SLC9A9: variants seen among roughly 807,000 people sequenced by gnomAD.
SLC9A9 encodes the protein solute carrier family 9 member A9, also known as sodium/hydrogen exchanger 9.
In SLC9A9, 62 loss-of-function variants were observed where a neutral mutation model predicts 77.8. The observed-to-expected ratio is 0.80, with a 90% CI of 0.65 to 0.98. SLC9A9 has a LOEUF of 0.98. SLC9A9 is among the 50% of genes least tolerant of loss of function. SLC9A9 has a pLI of 0.00. For missense variants in SLC9A9, 775 were observed against 774.9 expected (o/e 1.00, Z 0.00); for synonymous variants, 320 against 283.5 (o/e 1.13, Z -1.29).
chr3:143,354,820 C>A (rs573570920), intron 14 of SLC9A9, among the ~76,000 whole-genome samples: 1 of 152,284 alleles, frequency 6.6e-6, no homozygotes, highest in African/African-American at 2.4e-5. Flanking sequence ...TAGAAATCTT[C>A]AGTATAACAT....
chr3:143,517,637 T>C (rs2108610707), intron 9 of SLC9A9: 1 of 1,597,386 alleles, frequency 6.3e-7, no homozygotes, highest in Non-Finnish European at 8.5e-7. Flanking sequence ...TGCTTCTTCC[T>C]ACTGGCCTAG....
At chr3:143,395,015 C>T (rs1218749544) in intron 12 of SLC9A9, among the ~76,000 whole-genome samples, 2 of 152,134 alleles carry the variant, frequency 1.3e-5, no homozygotes, top group Non-Finnish European at 2.9e-5. Flanking sequence ...TGAAAATGGC[C>T]ATACTGCCCA....
chr3:143,714,951 T>C (rs189609164), intron 4 of SLC9A9, among the ~76,000 whole-genome samples: 87 of 152,302 alleles, frequency 5.7e-4, no homozygotes, highest in Non-Finnish European at 9.3e-4. Context: ...GTTCTCATGA[T>C]AGTGAATAAG....
In SLC9A9 at chr3:143,661,282, C is replaced by T. The variant is rs78148381; in HGVS notation, c.650-8922G>A. Reference sequence around the variant, plus strand: ...CTAAAATTTCTACAATAAATGTGCACTATTTTTAGAATTAGAAAAGACAGC... The same window carrying T: ...CTAAAATTTCTACAATAAATGTGCATTATTTTTAGAATTAGAAAAGACAGC... On this transcript the variant is annotated intron_variant, in intron 5 of 15. Coordinates refer to ENST00000316549, the MANE Select transcript of SLC9A9 (RefSeq NM_173653.4). Among the ~76,000 whole-genome samples, 29 of 152,264 alleles carry T rather than the reference C, an allele frequency of 1.9e-4. No homozygotes were observed. In the East Asian group the frequency reaches 5.6e-3, roughly 29 times the overall value.
chr3:143,773,352 T>C (rs940405792), intron 4 of SLC9A9, among the ~76,000 whole-genome samples: 2 of 152,178 alleles, frequency 1.3e-5, no homozygotes, highest in Non-Finnish European at 2.9e-5. Context: ...ACAATACATG[T>C]ACACAACCTC....
intron 4 of SLC9A9, among the ~76,000 whole-genome samples, chr3:143,730,912 T>C (rs992189889): frequency 5.9e-5 from 9 of 152,162 alleles, no homozygotes; most frequent in Admixed American, 3.9e-4. Context: ...TAGGCTACAA[T>C]TGACAAAAAA....
chr3:143,468,259 G>C (rs2035319034), intron 11 of SLC9A9, among the ~76,000 whole-genome samples: 1 of 152,224 alleles, frequency 6.6e-6, no homozygotes, highest in Admixed American at 6.5e-5. Context: ...GTTTTCCAGA[G>C]TGGCTGTAAC....
chr3:143,312,865 G>A (rs1013884632), intron 14 of SLC9A9, among the ~76,000 whole-genome samples: 1 of 152,124 alleles, frequency 6.6e-6, no homozygotes, highest in Non-Finnish European at 1.5e-5. Context: ...CTCGCTTTAC[G>A]TCGCCAATGT....
chr3:143,296,321 C>A (rs2030267758), intron 14 of SLC9A9, among the ~76,000 whole-genome samples: 1 of 152,166 alleles, frequency 6.6e-6, no homozygotes, highest in Non-Finnish European at 1.5e-5. Context: ...CAGTATTTGT[C>A]CTTTTGTGAC....
At chr3:143,838,265 G>A (rs533001434) in intron 1 of SLC9A9, among the ~76,000 whole-genome samples, 1 of 152,322 alleles carries the variant, frequency 6.6e-6, no homozygotes, top group East Asian at 1.9e-4. Context: ...ACCAAGTAGA[G>A]AAGAGGACAT....
intron 14 of SLC9A9, among the ~76,000 whole-genome samples, chr3:143,356,022 A>G (rs115851154): frequency 0.013 from 1,957 of 152,318 alleles, 45 homozygotes; most frequent in African/African-American, 0.045. Flanking sequence ...AACAAAGCAG[A>G]GATACCAAAG....
At chr3:143,383,045 A>G (rs1279790443) in intron 12 of SLC9A9, among the ~76,000 whole-genome samples, 1 of 152,232 alleles carries the variant, frequency 6.6e-6, no homozygotes, top group South Asian at 2.1e-4. Context: ...CAATTCCCAT[A>G]AGCAATGCAC....
intron 12 of SLC9A9, among the ~76,000 whole-genome samples, chr3:143,420,502 C>T (rs531354879): frequency 6.6e-6 from 1 of 152,302 alleles, no homozygotes; most frequent in South Asian, 2.1e-4. Context: ...GACTTATACA[C>T]AATTGCTATC....
chr3:143,502,909 C>T (rs1193431388), intron 9 of SLC9A9, among the ~76,000 whole-genome samples: 1 of 152,134 alleles, frequency 6.6e-6, no homozygotes, highest in Non-Finnish European at 1.5e-5. Flanking sequence ...TCTCAGATTT[C>T]ATTTTTATAT....
intron 2 of SLC9A9, among the ~76,000 whole-genome samples, chr3:143,825,775 T>A (rs1165866004): frequency 6.6e-6 from 1 of 152,222 alleles, no homozygotes; most frequent in Non-Finnish European, 1.5e-5. Context: ...AGTCAACTTA[T>A]CTATGAGTGA....
At chr3:143,700,346 C>T (rs1290868530) in intron 4 of SLC9A9, among the ~76,000 whole-genome samples, 1 of 152,126 alleles carries the variant, frequency 6.6e-6, no homozygotes, top group Non-Finnish European at 1.5e-5. Flanking sequence ...CCTCAGGTAT[C>T]TGCTCAGCAA....
chr3:143,645,296 G>A (rs2038686272), intron 6 of SLC9A9, among the ~76,000 whole-genome samples: 1 of 152,106 alleles, frequency 6.6e-6, no homozygotes, highest in African/African-American at 2.4e-5. Context: ...AGAAAAAATG[G>A]AATTATTTTA....
At chr3:143,714,890 A>G (rs1371785580) in intron 4 of SLC9A9, among the ~76,000 whole-genome samples, 1 of 152,170 alleles carries the variant, frequency 6.6e-6, no homozygotes, top group East Asian at 1.9e-4. Context: ...GTGTTGTGGG[A>G]GGGACCCGGT....
intron 4 of SLC9A9, among the ~76,000 whole-genome samples, chr3:143,774,586 G>A (rs1390789321): frequency 6.6e-6 from 1 of 152,174 alleles, no homozygotes; most frequent in African/African-American, 2.4e-5. Flanking sequence ...AGAGTGCTTA[G>A]AGCATAAGAC....
Sources: gnomAD v4.1 joint callset for allele counts (sites outside exome capture counted in the v4.1 genomes callset) on GRCh38, gnomAD v4.1.1 for gene constraint, MANE v1.5 for transcripts, NCBI Gene and HGNC (gene_info 2026-07-23, HGNC 2026-07-21) for gene names.